ATXN2: variants seen among roughly 807,000 people sequenced by gnomAD.
ATXN2 encodes ataxin 2.
ATXN2 carries 37 observed loss-of-function variants against 138.6 expected under a neutral mutation model. That is an observed-to-expected ratio of 0.27 (90% CI 0.21 to 0.35). The LOEUF is 0.35. ATXN2 is among the 10% of genes least tolerant of loss of function. The pLI, the probability that ATXN2 is intolerant of heterozygous loss-of-function variation, is 1.00. For synonymous variants in ATXN2, 549 were observed against 543.7 expected (o/e 1.01, Z -0.13); for missense variants, 1,216 against 1,480.3 (o/e 0.82, Z 2.93).
At chr12:111,535,479 G>A (rs976757722) in intron 5 of ATXN2, among the ~76,000 whole-genome samples, 19 of 151,966 alleles carry the variant, frequency 1.3e-4, no homozygotes, top group African/African-American at 4.6e-4. Flanking sequence ...AAAGTTAGCA[G>A]GGCATGGTGG....
chr12:111,509,032 T>G (rs1038854321), intron 14 of ATXN2, among the ~76,000 whole-genome samples: 2 of 152,292 alleles, frequency 1.3e-5, no homozygotes, highest in Admixed American at 1.3e-4. Context: ...AAAATCTACC[T>G]CGATACCTAT....
intron 1 of ATXN2, among the ~76,000 whole-genome samples, chr12:111,559,485 A>T (rs1208207041): frequency 1.3e-5 from 2 of 150,720 alleles, no homozygotes; most frequent in Non-Finnish European, 3.0e-5. Context: ...TATAAAAGCA[A>T]TGCATAGGCC....
intron 5 of ATXN2, among the ~76,000 whole-genome samples, chr12:111,530,512 T>C (rs564093101): frequency 4.0e-5 from 6 of 151,872 alleles, no homozygotes; most frequent in African/African-American, 1.4e-4. Context: ...TAGACTGGAG[T>C]GGCATTAAAA....
intron 9 of ATXN2, among the ~76,000 whole-genome samples, 194 bp downstream of exon 9, chr12:111,518,055 A>T (rs1319030063): frequency 6.6e-6 from 1 of 152,228 alleles, no homozygotes; most frequent in Non-Finnish European, 1.5e-5. Flanking sequence ...AATAATATAT[A>T]TGTCAATGAC....
intron 14 of ATXN2, among the ~76,000 whole-genome samples, chr12:111,491,347 G>T (rs1212376699): frequency 6.6e-6 from 1 of 152,184 alleles, no homozygotes; most frequent in Non-Finnish European, 1.5e-5. Context: ...GTCTAGACCA[G>T]AAGGACTGCA....
At chr12:111,473,582 C>A (rs1876573768) in intron 18 of ATXN2, among the ~76,000 whole-genome samples, 1 of 152,050 alleles carries the variant, frequency 6.6e-6, no homozygotes, top group African/African-American at 2.4e-5. Flanking sequence ...AATAACTGAT[C>A]TTGGGCTAGA....
rs1885134709 is a variant in ATXN2, at chr12:111,599,243, G to A, written c.-209C>T. 3.3e-6 allele frequency: 4 copies of A among 1,203,458 alleles called. No homozygotes were observed. The highest frequency in any genetic ancestry group is 4.1e-6 in the Non-Finnish European group (4 of 972,702). 74.5% of individuals were successfully genotyped at this position (1,203,458 alleles called of 1,614,324 possible). ...CCCGCCGAGACCAAGGAGCCGCCGG[G>A]AGCCGGGCCGAAACGCGCCGCCGCC... On this transcript the variant is annotated 5_prime_UTR_variant, in exon 1 of 25. Transcript: ENST00000673436.
At position 111,598,733 on chromosome 12, in the gene ATXN2, G is replaced by T; in HGVS notation, c.251+51C>A. The T allele has an allele frequency of 4.5e-6, 5 of 1,111,396 alleles. No individual in the cohort carries two copies. The highest frequency in any genetic ancestry group is 5.5e-6 in the Non-Finnish European group (5 of 902,016). 68.8% of individuals were successfully genotyped at this position (1,111,396 alleles called of 1,614,324 possible). A position where few individuals can be genotyped will look rare whatever the true frequency, so the allele number is the denominator to read the frequency against. ...GCGGGGACGGCGGCGCGGGCCGCGG[G>T]GGAGGGGACGCCGGGCCCGGAGCGG... On this transcript the variant is annotated intron_variant, in intron 1 of 24. Transcript: ENST00000673436. This position sits in a 1 kb window ranked among gnomAD's most constrained non-coding sequence, Gnocchi z 4.5.
Position 111,552,651 on chromosome 12 carries a change from T to A in ATXN2, c.421-221A>T. 1.7e-6 allele frequency: 1 copy of A among 578,714 alleles called. No homozygotes were observed. The highest frequency in any genetic ancestry group is 2.8e-6 in the Non-Finnish European group (1 of 352,614). 35.8% of individuals were successfully genotyped at this position (578,714 alleles called of 1,614,324 possible). A position where few individuals can be genotyped will look rare whatever the true frequency, so the allele number is the denominator to read the frequency against. Reference sequence around the variant, plus strand: ...GTTTCTATGGTTTGTCTTAAGTACATTAATAATAATTTTTAAGAGGAAAAA... The same window carrying A: ...GTTTCTATGGTTTGTCTTAAGTACAATAATAATAATTTTTAAGAGGAAAAA... On this transcript the variant is annotated intron_variant, in intron 4 of 24. Transcript: ENST00000673436. This position sits in a 1 kb window ranked among gnomAD's most constrained non-coding sequence, Gnocchi z 4.1.
At position 111,552,619 on chromosome 12, in the gene ATXN2, G is replaced by C. The variant is rs1326252405; in HGVS notation, c.421-189C>G. 1 of 652,152 alleles carries C rather than the reference G, an allele frequency of 1.5e-6. No homozygotes were observed. Among genetic ancestry groups the C allele is most frequent in the Non-Finnish European group, 2.4e-6 (1 of 417,034 alleles). The allele number at this position is 652,152 out of a possible 1,614,324, so 40.4% of individuals were successfully genotyped here. ...CATTTAAAAATCCTCATATCTAAATGTTTTTTGTTTCTATGGTTTGTCTTA... is the reference window on the plus strand; with the variant it reads ...CATTTAAAAATCCTCATATCTAAATCTTTTTTGTTTCTATGGTTTGTCTTA... On this transcript the variant is annotated intron_variant, in intron 4 of 24. Coordinates refer to ENST00000673436, the MANE Select transcript of ATXN2 (RefSeq NM_001372574.1). This position sits in a 1 kb window ranked among gnomAD's most constrained non-coding sequence, Gnocchi z 4.1.
chr12:111,592,047 A>G (rs1472924139), intron 1 of ATXN2, among the ~76,000 whole-genome samples: 1 of 146,934 alleles, frequency 6.8e-6, no homozygotes, highest in Non-Finnish European at 1.5e-5. Flanking sequence ...GCACCACTGC[A>G]CTCCAGCCTG....
intron 6 of ATXN2, among the ~76,000 whole-genome samples, chr12:111,522,512 G>A (rs11836810): frequency 0.1 from 15,387 of 150,792 alleles, 2,588 homozygotes; most frequent in African/African-American, 0.35. Flanking sequence ...TGGGAGGCTA[G>A]GGCAGGAGAA....
chr12:111,542,310 A>G lies in ATXN2; in HGVS notation c.571+9970T>C, dbSNP rs145265954. On this transcript the variant is annotated intron_variant, in intron 5 of 24. Coordinates refer to ENST00000673436, the MANE Select transcript of ATXN2 (RefSeq NM_001372574.1). ...CAGCACCACCATCTCGGCTCATTGC[A>G]AACTCCGTCTCCTGGATTCAAGCGA... Among the ~76,000 whole-genome samples the G allele has an allele frequency of 2.7e-3, 403 of 151,924 alleles. 6 individuals carry two copies. The highest frequency in any genetic ancestry group is 9.5e-3 in the African/African-American group (393 of 41,444).
At chr12:111,493,334 C>T (rs925270222) in intron 14 of ATXN2, among the ~76,000 whole-genome samples, 4 of 147,998 alleles carry the variant, frequency 2.7e-5, no homozygotes, top group Admixed American at 6.8e-5. Flanking sequence ...GCAGAAGAAT[C>T]GCTTGAACCT....
chr12:111,584,736 C>T (rs1429980655), intron 1 of ATXN2, among the ~76,000 whole-genome samples: 1 of 151,936 alleles, frequency 6.6e-6, no homozygotes, highest in African/African-American at 2.4e-5. Flanking sequence ...GAGGCCGAGG[C>T]AAGTGGATCA....
At chr12:111,566,781 C>T (rs1883035479) in intron 1 of ATXN2, among the ~76,000 whole-genome samples, 1 of 152,006 alleles carries the variant, frequency 6.6e-6, no homozygotes, top group South Asian at 2.1e-4. Flanking sequence ...GGATTATAGG[C>T]GCCCGCCACC....
chr12:111,495,089 T>C (rs556229165), intron 14 of ATXN2, among the ~76,000 whole-genome samples: 1 of 152,082 alleles, frequency 6.6e-6, no homozygotes, highest in African/African-American at 2.4e-5. Flanking sequence ...GCAAATCACC[T>C]GAGGTTAGGA....
intron 20 of ATXN2, among the ~76,000 whole-genome samples, chr12:111,467,339 T>G (rs1876101749): frequency 8.2e-6 from 1 of 121,576 alleles, no homozygotes; most frequent in African/African-American, 3.2e-5. Context: ...TTTTTTTTGG[T>G]AGAGATGGGA....
At chr12:111,539,311 T>C (rs1313796608) in intron 5 of ATXN2, among the ~76,000 whole-genome samples, 1 of 148,560 alleles carries the variant, frequency 6.7e-6, no homozygotes, top group Admixed American at 6.7e-5. Context: ...TAGTGGGACC[T>C]CGTCTCTACT....
Sources: allele counts gnomAD v4.1 joint callset (sites outside exome capture counted in the v4.1 genomes callset), GRCh38; gene constraint gnomAD v4.1.1; non-coding constraint Gnocchi (gnomAD v3.1); transcripts MANE v1.5; gene names NCBI Gene and HGNC (gene_info 2026-07-23, HGNC 2026-07-21).